ITGAV: variants seen among roughly 807,000 people sequenced by gnomAD.
The protein encoded by ITGAV is integrin subunit alpha V.
Under a neutral mutation model 143.8 loss-of-function variants are expected in ITGAV, and 76 were observed. The ratio of observed to expected loss-of-function variants is 0.53; its 90% CI spans 0.44 to 0.64. The LOEUF is 0.64. Ranked by LOEUF, ITGAV falls within the 30% of genes least tolerant of loss-of-function variation. ITGAV has a pLI of 0.00. For synonymous variants in ITGAV, 453 were observed against 446.7 expected (o/e 1.01, Z -0.18); for missense variants, 1,193 against 1,274.7 (o/e 0.94, Z 0.98).
chr2:186,636,050 G>T (rs780755475), intron 6 of ITGAV, 32 bp from the exon 7 acceptor site: 28 of 1,587,368 alleles, frequency 1.8e-5, no homozygotes, highest in East Asian at 9.0e-5. Context: ...CCATTTGAAG[G>T]TTATTTATTT....
chr2:186,660,749 G>C (rs568013229), intron 18 of ITGAV, among the ~76,000 whole-genome samples: 2 of 151,986 alleles, frequency 1.3e-5, no homozygotes, highest in Non-Finnish European at 2.9e-5. Flanking sequence ...CCACAGAATG[G>C]GTGGCTTAAA....
chr2:186,635,852 T>C (rs556439805), intron 6 of ITGAV, among the ~76,000 whole-genome samples: 1 of 152,210 alleles, frequency 6.6e-6, no homozygotes, highest in Non-Finnish European at 1.5e-5. Context: ...TCCTGTTTTC[T>C]TAAATTTTTA....
intron 3 of ITGAV, among the ~76,000 whole-genome samples, chr2:186,625,135 G>A (rs1687637437): frequency 6.6e-6 from 1 of 152,076 alleles, no homozygotes; most frequent in Non-Finnish European, 1.5e-5. Flanking sequence ...TAGCGCTTTG[G>A]GAGGCTGAGG....
chr2:186,616,615 A>G (rs565869742), intron 2 of ITGAV, among the ~76,000 whole-genome samples: 2 of 152,204 alleles, frequency 1.3e-5, no homozygotes, highest in Non-Finnish European at 2.9e-5. Context: ...GGTTACAAAT[A>G]AATGCATGAT....
chr2:186,633,490 T>TA (rs1420501830), intron 6 of ITGAV, 116 bp downstream of exon 6: 3 of 492,328 alleles, frequency 6.1e-6, no homozygotes, highest in Non-Finnish European at 1.1e-5. Flanking sequence ...GAAATACAAT[T>TA]AAAGTATATA....
At chr2:186,600,330 C>T in intron 1 of ITGAV, 12 of 1,416,776 alleles carry the variant, frequency 8.5e-6, no homozygotes, top group Non-Finnish European at 1.2e-5. Context: ...ATCCTCAATA[C>T]ACAAATGCTC....
chr2:186,645,217 C>G (rs907654385), intron 12 of ITGAV, among the ~76,000 whole-genome samples: 3 of 151,854 alleles, frequency 2.0e-5, no homozygotes, highest in Admixed American at 1.3e-4. Flanking sequence ...AGTAGGGGGT[C>G]GAGAGGGGTG....
intron 5 of ITGAV, among the ~76,000 whole-genome samples, chr2:186,632,412 T>G (rs1489648057): frequency 4.4e-5 from 6 of 136,082 alleles, no homozygotes; most frequent in African/African-American, 1.8e-4. Flanking sequence ...GGCAGATGAC[T>G]TAGAAGTTCT....
intron 1 of ITGAV, chr2:186,600,272 T>G (rs1686862348): frequency 6.8e-7 from 1 of 1,464,352 alleles, no homozygotes; most frequent in African/African-American, 1.4e-5. Flanking sequence ...ACATATTCCC[T>G]CCATCTCTTC....
intron 15 of ITGAV, 104 bp from the exon 16 acceptor site, chr2:186,654,546 C>T: frequency 1.7e-6 from 1 of 572,440 alleles, no homozygotes; most frequent in Non-Finnish European, 3.1e-6. Flanking sequence ...AGATGTAAGG[C>T]TTCACAATAC....
At chr2:186,631,535 C>T (rs1559050489) in intron 5 of ITGAV, among the ~76,000 whole-genome samples, 2 of 152,078 alleles carry the variant, frequency 1.3e-5, no homozygotes, top group East Asian at 3.9e-4. Flanking sequence ...GGGGAGTATG[C>T]ACATTTTGAA....
chr2:186,620,790 A>G (rs187206828), intron 2 of ITGAV, among the ~76,000 whole-genome samples: 3 of 152,306 alleles, frequency 2.0e-5, no homozygotes, highest in East Asian at 1.9e-4. Context: ...TTGATTAAAT[A>G]AAGTATTCTA....
At chr2:186,636,657 A>G (rs1229267136) in intron 7 of ITGAV, among the ~76,000 whole-genome samples, 1 of 152,228 alleles carries the variant, frequency 6.6e-6, no homozygotes, top group African/African-American at 2.4e-5. Context: ...TTTCTTCATG[A>G]TGTTAAATAA....
intron 2 of ITGAV, among the ~76,000 whole-genome samples, chr2:186,611,132 G>T (rs1046548699): frequency 6.6e-6 from 1 of 152,046 alleles, no homozygotes; most frequent in African/African-American, 2.4e-5. Context: ...AGCTACCGGG[G>T]TCGTTCTCAT....
Position 186,662,976 on chromosome 2 carries a change from G to A in ITGAV, c.1858-792G>A, listed in dbSNP as rs1057503148. ...GTTACCAGTAGGCAAAGCAAAAATG[G>A]CCTCATCTTTATTTTCCATTCTTTT... On this transcript the variant is annotated intron_variant, in intron 18 of 29. Transcript: ENST00000261023. Among the ~76,000 whole-genome samples, 18 of 152,092 alleles carry A rather than the reference G, an allele frequency of 1.2e-4. No individual in the cohort carries two copies. In the East Asian group the frequency reaches 3.1e-3, roughly 26 times the overall value.
At chr2:186,635,631 TG>T (rs1352438384) in intron 6 of ITGAV, among the ~76,000 whole-genome samples, 1 of 152,212 alleles carries the variant, frequency 6.6e-6, no homozygotes, top group Non-Finnish European at 1.5e-5. Flanking sequence ...ATAACAAGGT[TG>T]TGAACAAAGG....
In ITGAV at chr2:186,638,621, C is replaced by T. The variant is rs541276398; in HGVS notation, c.903+156C>T. Among the ~76,000 whole-genome samples the T allele has an allele frequency of 5.4e-5, 7 of 128,556 alleles. No individual in the cohort carries two copies. In the East Asian group the frequency reaches 1.3e-3, roughly 25 times the overall value. The allele number at this position is 128,556 out of a possible 152,430, so 84.3% of individuals were successfully genotyped here. On this transcript the variant is annotated intron_variant, in intron 10 of 29. Transcript: ENST00000261023. ...CATTTTGGTCAAACTATTATCATTTCTCTTTTGAGCGTGTGTGTGTGTGTG... is the reference window on the plus strand; with the variant it reads ...CATTTTGGTCAAACTATTATCATTTTTCTTTTGAGCGTGTGTGTGTGTGTG...
At chr2:186,653,015 G>A (rs1223504864) in intron 15 of ITGAV, among the ~76,000 whole-genome samples, 3 of 142,564 alleles carry the variant, frequency 2.1e-5, no homozygotes, top group South Asian at 2.2e-4. Context: ...GCGCAATCTC[G>A]GCTCACTGCA....
intron 1 of ITGAV, among the ~76,000 whole-genome samples, chr2:186,591,876 A>G (rs61763609): frequency 0.013 from 2,045 of 152,298 alleles, 27 homozygotes; most frequent in Non-Finnish European, 0.019. Flanking sequence ...TTCCAACATG[A>G]TAAAAATAAT....
Sources: allele counts gnomAD v4.1 joint callset (sites outside exome capture counted in the v4.1 genomes callset), GRCh38; gene constraint gnomAD v4.1.1; transcripts MANE v1.5; gene names NCBI Gene and HGNC (gene_info 2026-07-23, HGNC 2026-07-21).